Variants in HSH2D observed in about 807,000 individuals in gnomAD.
The protein encoded by HSH2D is hematopoietic SH2 domain-containing protein.
Under a neutral mutation model 21.5 loss-of-function variants are expected in HSH2D, and 16 were observed. The observed-to-expected ratio is 0.74, with a 90% CI of 0.50 to 1.13. The LOEUF (loss-of-function observed/expected upper bound fraction) is 1.13. Among genes scored for constraint, HSH2D ranks in the 50% most tolerant of loss-of-function variants. The pLI is 0.00. For synonymous variants in HSH2D, 172 were observed against 184.7 expected (o/e 0.93, Z 0.56); for missense variants, 418 against 441.4 (o/e 0.95, Z 0.47).
chr19:16,153,159 A>G lies in HSH2D; in HGVS notation c.332A>G (p.Gln111Arg). The change falls in exon 4 of 6, where the codon CAG (glutamine) becomes CGG (arginine). Residue 111 changes from glutamine (Q) to arginine (R), a missense_variant. Gln to Arg is a conservative substitution (Grantham distance 43). Coordinates refer to ENST00000613986, the MANE Select transcript of HSH2D (RefSeq NM_001382417.1). ...SLDALVTFHQQKPIEPRRELL... is the reference protein window; with the variant it reads ...SLDALVTFHQRKPIEPRRELL... ...GACGCCCTGGTCACCTTCCACCAGC[A>G]GAAGCCAATTGAGCCGCGCAGGGAG... 6.3e-7 allele frequency: 1 copy of G among 1,578,650 alleles called. No individual in the cohort carries two copies.
chr19:16,145,353 C>T (rs2091054057), intron 1 of HSH2D, among the ~76,000 whole-genome samples: 1 of 152,076 alleles, frequency 6.6e-6, no homozygotes, highest in Admixed American at 6.6e-5. Flanking sequence ...GCTGGGATTA[C>T]AGGGGTGAGC....
At chr19:16,150,918 A>G (rs771125945) in intron 2 of HSH2D, among the ~76,000 whole-genome samples, 12 of 152,216 alleles carry the variant, frequency 7.9e-5, no homozygotes, top group Admixed American at 2.0e-4. Context: ...TTTGGAAATC[A>G]GTACAAAAGG....
intron 4 of HSH2D, among the ~76,000 whole-genome samples, chr19:16,153,505 C>T (rs1460947478): frequency 1.3e-5 from 2 of 152,148 alleles, no homozygotes; most frequent in African/African-American, 2.4e-5. Context: ...TTAGAAGGCT[C>T]GGTGGGCGTG....
chr19:16,154,631 T>C, intron 5 of HSH2D, 140 bp downstream of exon 5: 1 of 542,648 alleles, frequency 1.8e-6, no homozygotes, highest in Non-Finnish European at 3.3e-6. Context: ...TCCAGTGCTT[T>C]TGCAACACCG....
chr19:16,138,051 A>G (rs1459065938), intron 1 of HSH2D, among the ~76,000 whole-genome samples: 1 of 151,986 alleles, frequency 6.6e-6, no homozygotes, highest in Non-Finnish European at 1.5e-5. Flanking sequence ...TATTTTTAGT[A>G]GAGATGGAGT....
At chr19:16,134,860 G>A (rs553635482) in intron 1 of HSH2D, among the ~76,000 whole-genome samples, 58 of 151,838 alleles carry the variant, frequency 3.8e-4, no homozygotes, top group Middle Eastern at 3.4e-3. Flanking sequence ...TGTGGCTTAT[G>A]CCTATAATCC....
upstream of HSH2D, among the ~76,000 whole-genome samples, chr19:16,138,985 G>A (rs1210445849): frequency 2.0e-5 from 3 of 152,146 alleles, no homozygotes; most frequent in African/African-American, 7.2e-5. Flanking sequence ...AGCCTCCTGA[G>A]TATCTGGGAT....
intron 1 of HSH2D, among the ~76,000 whole-genome samples, chr19:16,135,116 A>G (rs2090952914): frequency 1.3e-5 from 2 of 152,122 alleles, no homozygotes; most frequent in Admixed American, 6.6e-5. Context: ...TCTTTACTAA[A>G]AATACAAAAA....
chr19:16,152,970 G>T, intron 3 of HSH2D, 73 bp from the exon 4 acceptor site: 2 of 1,534,802 alleles, frequency 1.3e-6, no homozygotes, highest in Non-Finnish European at 1.8e-6. Context: ...TGACGCTGCC[G>T]GCCCAAGGGC....
chr19:16,154,330 C>A, intron 4 of HSH2D, 69 bp from the exon 5 acceptor site: 2 of 1,034,904 alleles, frequency 1.9e-6, no homozygotes, highest in Non-Finnish European at 1.4e-6. Flanking sequence ...CTGAGACCTG[C>A]CTTCCAGGGT....
chr19:16,151,765 GAAA>G (rs746775825), intron 2 of HSH2D, among the ~76,000 whole-genome samples: 9 of 61,318 alleles, frequency 1.5e-4, no homozygotes, highest in African/African-American at 3.5e-4. Context: ...TGCCACAGCT[GAAA>G]AAAAAAAAAA....
At chr19:16,142,464 T>C (rs1445282554), upstream of HSH2D, among the ~76,000 whole-genome samples, 1 of 152,176 alleles carries the variant, frequency 6.6e-6, no homozygotes, top group Non-Finnish European at 1.5e-5. Context: ...TTGGTTTTCG[T>C]TGGTTTTGTT....
intron 5 of HSH2D, 157 bp downstream of exon 5, chr19:16,154,648 A>C: frequency 1.9e-6 from 1 of 535,138 alleles, no homozygotes; most frequent in South Asian, 2.1e-5. Flanking sequence ...ACCGAGATTA[A>C]AATTCAAACT....
At chr19:16,139,458 T>C (rs2090984975), upstream of HSH2D, among the ~76,000 whole-genome samples, 1 of 152,132 alleles carries the variant, frequency 6.6e-6, no homozygotes, top group Admixed American at 6.6e-5. Flanking sequence ...GGTGTGAGCT[T>C]GTGATTGCAG....
intron 1 of HSH2D, among the ~76,000 whole-genome samples, chr19:16,144,686 C>CTTTTTTTTTTTTTT (rs35070155): frequency 2.3e-5 from 2 of 85,918 alleles, no homozygotes; most frequent in Non-Finnish European, 4.3e-5. Flanking sequence ...ATTCTAGGCT[C>CTTTTTTTTTTTTTT]TTTTTTTTTT....
intron 3 of HSH2D, 176 bp from the exon 4 acceptor site, chr19:16,152,867 T>C: frequency 1.2e-6 from 1 of 816,340 alleles, no homozygotes. Flanking sequence ...TGGGGGAAAC[T>C]GAGGCACAGC....
At chr19:16,154,291 C>G in intron 4 of HSH2D, 108 bp from the exon 5 acceptor site, 3 of 666,404 alleles carry the variant, frequency 4.5e-6, no homozygotes, top group Admixed American at 5.9e-5. Flanking sequence ...GGCCTAGGTA[C>G]TAAGAAACTG....
chr19:16,148,992 G>A (rs2091111065), intron 2 of HSH2D, 117 bp downstream of exon 2: 2 of 1,145,240 alleles, frequency 1.7e-6, no homozygotes, highest in East Asian at 2.5e-5. Flanking sequence ...TGTGGCAAGA[G>A]GCTAAAATGA....
Position 16,157,078 on chromosome 19 carries a change from A to G in HSH2D, c.475-132A>G. 1 of 612,836 alleles carries G rather than the reference A, an allele frequency of 1.6e-6. No individual in the cohort carries two copies. Among genetic ancestry groups the G allele is most frequent in the Non-Finnish European group, 2.7e-6 (1 of 373,936 alleles). The allele number at this position is 612,836 out of a possible 1,614,324, so 38.0% of individuals were successfully genotyped here. A position where few individuals can be genotyped will look rare whatever the true frequency, so the allele number is the denominator to read the frequency against. On this transcript the variant is annotated intron_variant, in intron 5 of 5. Transcript: ENST00000613986. The surrounding 1 kb of genome is among the most constrained non-coding windows in gnomAD (Gnocchi z 4.4). ...GACGAGAAAGATGGGGCATGGGATC[A>G]GGTTTGGGGGTTCACACGGGGACGT...
Sources: gnomAD v4.1 joint callset for allele counts (sites outside exome capture counted in the v4.1 genomes callset) on GRCh38, gnomAD v4.1.1 for gene constraint, Gnocchi (gnomAD v3.1) non-coding constraint, MANE v1.5 for transcripts, NCBI Gene and HGNC (gene_info 2026-07-23, HGNC 2026-07-21) for gene names.